SP140L: variants seen among roughly 807,000 people sequenced by gnomAD.
The protein encoded by SP140L is SP140 like nuclear body protein.
In SP140L, 64 loss-of-function variants were observed where a neutral mutation model predicts 84.3. That is an observed-to-expected ratio of 0.76 (90% confidence interval 0.62 to 0.94). The LOEUF (loss-of-function observed/expected upper bound fraction) is 0.94. SP140L is among the 40% of genes least tolerant of loss of function. SP140L has a pLI of 0.00. For synonymous variants in SP140L, 242 were observed against 236.9 expected, an observed-to-expected ratio of 1.02 and a Z score of -0.20; for missense variants, 628 against 692.5, an observed-to-expected ratio of 0.91 and a Z score of 1.05.
chr2:230,350,246 T>C (rs1217312868), intron 2 of SP140L, among the ~76,000 whole-genome samples: 1 of 152,214 alleles, frequency 6.6e-6, no homozygotes, highest in Non-Finnish European at 1.5e-5. Flanking sequence ...GTTTAATTTA[T>C]ATAAAAATGG....
rs767807569 is a variant in SP140L, at chr2:230,328,770, G to T, written c.46G>T (p.Gly16Cys). Reference sequence around the variant, plus strand: ...TTGTCTTTTTAGGGGGCTGAACGGAGGTGTTTCACAAGTAGCAAATGAGAT... The same window carrying T: ...TTGTCTTTTTAGGGGGCTGAACGGATGTGTTTCACAAGTAGCAAATGAGAT... ...SDLSTRGLNGGVSQVANEMNH... is the reference protein window; with the variant it reads ...SDLSTRGLNGCVSQVANEMNH... Residue 16 changes from glycine (G) to cysteine (C), a missense_variant, in exon 2 of 19, where the codon GGT becomes TGT. Gly to Cys is a radical substitution (Grantham distance 159). Coordinates refer to ENST00000415673, the MANE Select transcript of SP140L (RefSeq NM_138402.6). The T allele has an allele frequency of 2.5e-5, 41 of 1,612,510 alleles. No homozygotes were observed. Among genetic ancestry groups the T allele is most frequent in the Non-Finnish European group, 3.5e-5 (41 of 1,179,138 alleles).
At chr2:230,346,219 TGAG>T (rs1248093655) in intron 2 of SP140L, among the ~76,000 whole-genome samples, 1 of 152,190 alleles carries the variant, frequency 6.6e-6, no homozygotes, top group South Asian at 2.1e-4. Context: ...TCTCCTGGGC[TGAG>T]AAGAGGAGGT....
intron 7 of SP140L, among the ~76,000 whole-genome samples, chr2:230,381,687 C>A (rs7565654): frequency 0.25 from 37,654 of 150,406 alleles, 5,220 homozygotes; most frequent in Non-Finnish European, 0.3. Context: ...CAAGCCTGGG[C>A]AAGATAGTGG....
chr2:230,365,531 T>C (rs1338976252), intron 5 of SP140L, among the ~76,000 whole-genome samples: 1 of 152,110 alleles, frequency 6.6e-6, no homozygotes, highest in African/African-American at 2.4e-5. Flanking sequence ...CTTTTCTTTT[T>C]TTTTAGTCTA....
intron 7 of SP140L, among the ~76,000 whole-genome samples, chr2:230,383,141 C>T (rs1349964122): frequency 6.6e-6 from 1 of 152,216 alleles, no homozygotes; most frequent in Non-Finnish European, 1.5e-5. Context: ...ATCCATAACA[C>T]CATCAACCTC....
chr2:230,379,487 A>G, intron 7 of SP140L, among the ~76,000 whole-genome samples: 1 of 152,152 alleles, frequency 6.6e-6, no homozygotes, highest in East Asian at 1.9e-4. Context: ...TTATTGTTTA[A>G]TATTTAATTT....
At chr2:230,361,080 G>T (rs985594419) in intron 4 of SP140L, among the ~76,000 whole-genome samples, 3 of 152,150 alleles carry the variant, frequency 2.0e-5, no homozygotes, top group African/African-American at 7.2e-5. Flanking sequence ...CTTCTGAGTA[G>T]CTGGGACCAC....
At chr2:230,386,374 C>A (rs1210564814) in intron 9 of SP140L, among the ~76,000 whole-genome samples, 3 of 152,122 alleles carry the variant, frequency 2.0e-5, no homozygotes, top group African/African-American at 7.2e-5. Flanking sequence ...GGATTGTTCC[C>A]AACCATTGGG....
At chr2:230,398,284 G>A (rs1421374247) in intron 14 of SP140L, among the ~76,000 whole-genome samples, 1 of 152,118 alleles carries the variant, frequency 6.6e-6, no homozygotes, top group African/African-American at 2.4e-5. Flanking sequence ...CTCTGGTGTT[G>A]GGTTCAGGAC....
intron 2 of SP140L, among the ~76,000 whole-genome samples, chr2:230,339,724 T>C: frequency 1.4e-5 from 2 of 141,772 alleles, no homozygotes; most frequent in African/African-American, 5.4e-5. Context: ...TCAAAGAACA[T>C]CTTTATTTCT....
intron 2 of SP140L, among the ~76,000 whole-genome samples, chr2:230,340,621 G>A (rs1199279687): frequency 4.8e-4 from 65 of 135,834 alleles, no homozygotes; most frequent in Middle Eastern, 3.6e-3. Context: ...ATTTTGCAGC[G>A]GCTGGTACCG....
chr2:230,402,804 G>A lies in SP140L; in HGVS notation c.1651G>A (p.Asp551Asn). The change falls in exon 19 of 19, where the codon GAT (aspartate) becomes AAT (asparagine). Residue 551 changes from aspartate to asparagine, a missense_variant. Physicochemically the swap from Asp to Asn is conservative, Grantham distance 23. Around this residue, in one of 4 missense-constraint regions of SP140L, gnomAD observed 44 missense variants for 36.1 expected, o/e 1.22. Coordinates refer to ENST00000415673, the MANE Select transcript of SP140L (RefSeq NM_138402.6). ...CTTTATTACTTTTTTCCAGTATAAG[G>A]ATTTTGGCCAAATGGGACTTAGACT... ...QNHRASYKYK[D>N]FGQMGLRLEA... The A allele has an allele frequency of 1.9e-6, 3 of 1,612,002 alleles. No individual in the cohort carries two copies. Among genetic ancestry groups the A allele is most frequent in the South Asian group, 1.1e-5 (1 of 90,514 alleles).
Position 230,357,896 on chromosome 2 carries a change from G to A in SP140L, c.199G>A (p.Ala67Thr), listed in dbSNP as rs1363816707. The part of the protein sequence containing the change: ...FKRHKLEISN[A>T]IKKTFPFLEG... ...AAGACATAAGCTGGAGATATCAAAT[G>A]CAATAAAAAAGACATTTCCATTCCT... Residue 67 changes from alanine (A) to threonine (T), a missense_variant, in exon 3 of 19, where the codon GCA (alanine) becomes ACA (threonine). Coordinates refer to ENST00000415673, the MANE Select transcript of SP140L (RefSeq NM_138402.6). 2 of 1,613,904 alleles carry A rather than the reference G, an allele frequency of 1.2e-6. No homozygotes were observed. Among genetic ancestry groups the A allele is most frequent in the African/African-American group, 1.3e-5 (1 of 74,908 alleles).
chr2:230,338,988 T>A (rs2059956234), intron 2 of SP140L, among the ~76,000 whole-genome samples: 1 of 138,952 alleles, frequency 7.2e-6, no homozygotes, highest in African/African-American at 2.8e-5. Flanking sequence ...CTGGCTTTGG[T>A]ATCAGAATGA....
chr2:230,384,949 T>C (rs965984586), intron 8 of SP140L, among the ~76,000 whole-genome samples: 1 of 152,108 alleles, frequency 6.6e-6, no homozygotes, highest in African/African-American at 2.4e-5. Context: ...CAAGAATGGG[T>C]GTTTTCAAAT....
chr2:230,392,136 C>T lies in SP140L; in HGVS notation c.1014C>T (p.Pro338=). Residue 338 remains proline, a synonymous_variant, in exon 12 of 19, where the codon CCC becomes CCT. Transcript: ENST00000415673. ...IQTEDGKWFT[P]MEFEIKGGYA... Reference sequence around the variant, plus strand: ...CTGAGGATGGAAAATGGTTCACCCCCATGGAATTTGAAATCAAAGGAGGCT... The same window carrying T: ...CTGAGGATGGAAAATGGTTCACCCCTATGGAATTTGAAATCAAAGGAGGCT... 1.2e-6 allele frequency: 2 copies of T among 1,614,026 alleles called. No individual in the cohort carries two copies. The highest frequency in any genetic ancestry group is 2.2e-5 in the South Asian group (2 of 91,076).
At chr2:230,400,777 G>C in intron 15 of SP140L, 178 bp from the exon 16 acceptor site, 2 of 1,430,882 alleles carry the variant, frequency 1.4e-6, no homozygotes. Context: ...CCACTGATGC[G>C]AGGGAAAGGC....
At chr2:230,336,854 A>G (rs527953085) in intron 2 of SP140L, among the ~76,000 whole-genome samples, 30 of 152,272 alleles carry the variant, frequency 2.0e-4, no homozygotes, top group African/African-American at 6.3e-4. Flanking sequence ...TCAGTATGCA[A>G]AAAACTTCTG....
At position 230,338,791 on chromosome 2, in the gene SP140L, A is replaced by T. The variant is rs1184209908; in HGVS notation, c.107+9960A>T. ...GTCTTTGGCTCTGTTTATATGCTGGATTACATTTATTGATTTGCGTATATT... is the reference window on the plus strand; with the variant it reads ...GTCTTTGGCTCTGTTTATATGCTGGTTTACATTTATTGATTTGCGTATATT... On this transcript the variant is annotated intron_variant, in intron 2 of 18. Transcript: ENST00000415673. 1.4e-5 allele frequency among the ~76,000 whole-genome samples: 2 copies of T among 141,400 alleles called. 1 individual carries two copies. The highest frequency in any genetic ancestry group is 5.5e-5 in the African/African-American group (2 of 36,470). The allele number at this position is 141,400 out of a possible 152,430, so 92.8% of individuals were successfully genotyped here.
Sources: allele counts gnomAD v4.1 joint callset (sites outside exome capture counted in the v4.1 genomes callset), GRCh38; gene constraint gnomAD v4.1.1; regional missense constraint gnomAD v4.1.1; transcripts MANE v1.5; gene names NCBI Gene and HGNC (gene_info 2026-07-23, HGNC 2026-07-21).